LCORL: variants seen among roughly 807,000 people sequenced by gnomAD.
LCORL encodes ligand-dependent nuclear receptor corepressor-like protein.
A neutral mutation model predicts 141.8 loss-of-function variants in LCORL; 41 were observed. That is an observed-to-expected ratio of 0.29 (90% CI 0.23 to 0.38). LCORL has a LOEUF of 0.38. LCORL is among the 10% of genes least tolerant of loss of function. LCORL has a pLI of 1.00. For synonymous variants in LCORL, 618 were observed against 694.1 expected (o/e 0.89, Z 1.72); for missense variants, 1,759 against 2,035.0 (o/e 0.86, Z 2.61).
exon 7 of LCORL, chr4:17,874,114 T>C (rs1183789902): frequency 1.5e-6 from 1 of 668,760 alleles, no homozygotes; most frequent in African/African-American, 2.6e-5. Context: ...CTTAAGTTTC[T>C]CCTTTTAGAG....
At chr4:17,873,762 A>G (rs576552673) in exon 7 of LCORL, 19 of 1,234,058 alleles carry the variant, frequency 1.5e-5, no homozygotes, top group Middle Eastern at 2.1e-4. Flanking sequence ...ATTTAGCTTA[A>G]AAGTATTTCT....
At chr4:17,933,688 G>C (rs187116639) in intron 4 of LCORL, among the ~76,000 whole-genome samples, 148 of 152,008 alleles carry the variant, frequency 9.7e-4, no homozygotes, top group Non-Finnish European at 1.6e-3. Flanking sequence ...TGTTTTTAGA[G>C]AGAATTTCAT....
At chr4:17,924,327 G>A (rs918426214) in intron 4 of LCORL, among the ~76,000 whole-genome samples, 1 of 152,140 alleles carries the variant, frequency 6.6e-6, no homozygotes, top group Non-Finnish European at 1.5e-5. Flanking sequence ...ATGGGCCCAC[G>A]AACAAAGTGA....
exon 8 of LCORL, chr4:17,844,322 A>G (rs1722716175): frequency 6.6e-6 from 1 of 152,368 alleles, no homozygotes; most frequent in Non-Finnish European, 1.5e-5. Flanking sequence ...ATACCCAACG[A>G]AACACCTTTT....
At position 18,021,574 on chromosome 4, in the gene LCORL, G is replaced by A. The variant is rs1345300042; in HGVS notation, c.154+24C>T. On this transcript the variant is annotated intron_variant, in intron 1 of 7. Transcript: ENST00000635767. This position sits in a 1 kb window ranked among gnomAD's most constrained non-coding sequence, Gnocchi z 5.5. ...ACAGCGGTCGCCGCGCGGAGCCCGG[G>A]GCCCCGGCCCGCGTCTCTCTTACCT... 2.0e-6 allele frequency: 3 copies of A among 1,509,382 alleles called. No individual in the cohort carries two copies. Among genetic ancestry groups the A allele is most frequent in the Middle Eastern group, 1.7e-4 (1 of 5,842 alleles). The allele number at this position is 1,509,382 out of a possible 1,614,324, so 93.5% of individuals were successfully genotyped here. A position where few individuals can be genotyped will look rare whatever the true frequency, so the allele number is the denominator to read the frequency against.
exon 8 of LCORL, chr4:17,844,183 ACTTCT>A (rs1465729356): frequency 6.6e-6 from 1 of 152,154 alleles, no homozygotes; most frequent in Non-Finnish European, 1.5e-5. Context: ...TGTGACAGGA[ACTTCT>A]CTTTATATAC....
intron 7 of LCORL, chr4:17,867,014 C>A (rs1725754997): frequency 1.0e-6 from 1 of 984,410 alleles, no homozygotes; most frequent in Non-Finnish European, 1.2e-6. Flanking sequence ...ATAGAGAAAG[C>A]AGGTCTGGAG....
chr4:17,875,325 T>C (rs992418895), exon 7 of LCORL: 1 of 1,231,484 alleles, frequency 8.1e-7, no homozygotes, highest in African/African-American at 1.6e-5. Context: ...CACAGATTTG[T>C]TCTTGATGGG....
intron 1 of LCORL, chr4:18,020,827 C>T (rs1725406202): frequency 6.6e-6 from 1 of 152,342 alleles, no homozygotes; most frequent in South Asian, 2.1e-4. Flanking sequence ...GGGGCGTCCG[C>T]AAGCAGACGG....
intron 4 of LCORL, among the ~76,000 whole-genome samples, chr4:17,926,255 A>G (rs915755956): frequency 1.3e-5 from 2 of 152,118 alleles, no homozygotes; most frequent in African/African-American, 4.8e-5. Flanking sequence ...GGGTGTTGCC[A>G]AAGGGGATTA....
At chr4:17,914,702 C>CT (rs1213123608) in intron 4 of LCORL, among the ~76,000 whole-genome samples, 1 of 152,182 alleles carries the variant, frequency 6.6e-6, no homozygotes, top group Non-Finnish European at 1.5e-5. Flanking sequence ...CAAATTTTTA[C>CT]AAGGATCAGG....
chr4:17,899,894 A>T (rs1199873424), intron 5 of LCORL, among the ~76,000 whole-genome samples: 1 of 152,152 alleles, frequency 6.6e-6, no homozygotes, highest in Non-Finnish European at 1.5e-5. Context: ...TATATGAAAC[A>T]AATGAATTTT....
At chr4:17,983,922 ATTATT>A (rs1718475261) in intron 1 of LCORL, among the ~76,000 whole-genome samples, 1 of 151,990 alleles carries the variant, frequency 6.6e-6, no homozygotes, top group Admixed American at 6.6e-5. Flanking sequence ...TGTGGCTCTT[ATTATT>A]TTGAGGTGTG....
intron 1 of LCORL, among the ~76,000 whole-genome samples, chr4:17,991,572 T>C (rs1207342793): frequency 6.6e-6 from 1 of 152,200 alleles, no homozygotes; most frequent in African/African-American, 2.4e-5. Flanking sequence ...TCTGATAATA[T>C]TTGGCATCTA....
At chr4:17,984,131 G>A (rs568081804) in intron 1 of LCORL, among the ~76,000 whole-genome samples, 1 of 152,144 alleles carries the variant, frequency 6.6e-6, no homozygotes, top group Non-Finnish European at 1.5e-5. Flanking sequence ...CCTGATAGTG[G>A]TGTATTAGCT....
chr4:17,877,076 A>G, exon 7 of LCORL: 1 of 1,230,736 alleles, frequency 8.1e-7, no homozygotes. Flanking sequence ...TAAAATTTTC[A>G]TCAAGACTAG....
chr4:17,842,194 CAT>C, exon 8 of LCORL: 1 of 790,516 alleles, frequency 1.3e-6, no homozygotes. Context: ...GTAGGAGATA[CAT>C]GTGTTGAAAG....
intron 7 of LCORL, among the ~76,000 whole-genome samples, chr4:17,858,233 G>T (rs920596997): frequency 1.3e-5 from 2 of 151,846 alleles, no homozygotes; most frequent in Non-Finnish European, 2.9e-5. Flanking sequence ...ATCCTAGATG[G>T]TATTAATAGC....
chr4:17,929,393 T>C (rs1323683641), intron 4 of LCORL, among the ~76,000 whole-genome samples: 1 of 152,104 alleles, frequency 6.6e-6, no homozygotes, highest in East Asian at 1.9e-4. Context: ...ATAAATACAA[T>C]AGTCAAGACT....
Sources: allele counts gnomAD v4.1 joint callset (sites outside exome capture counted in the v4.1 genomes callset), GRCh38; gene constraint gnomAD v4.1.1; non-coding constraint Gnocchi (gnomAD v3.1); transcripts MANE v1.5; gene names NCBI Gene and HGNC (gene_info 2026-07-23, HGNC 2026-07-21).